SLC25A25: variants seen among roughly 807,000 people sequenced by gnomAD.
SLC25A25 encodes the protein mitochondrial adenyl nucleotide antiporter SLC25A25.
A neutral mutation model predicts 57.7 loss-of-function variants in SLC25A25; 32 were observed. That is an observed-to-expected ratio of 0.55 (90% CI 0.42 to 0.74). The LOEUF (loss-of-function observed/expected upper bound fraction) is 0.74. SLC25A25 is among the 30% of genes least tolerant of loss of function. SLC25A25 has a pLI of 0.00. For synonymous variants in SLC25A25, 306 were observed against 291.2 expected (o/e 1.05, Z -0.52); for missense variants, 556 against 701.3 (o/e 0.79, Z 2.34).
rs1322764768 is a variant in SLC25A25, at chr9:128,108,850, G to C, written c.*1406G>C. The C allele has an allele frequency of 6.6e-6, 1 of 152,208 alleles. No individual in the cohort carries two copies. Among genetic ancestry groups the C allele is most frequent in the Non-Finnish European group, 1.5e-5 (1 of 68,038 alleles). The allele number at this position is 152,208 out of a possible 1,614,324, so 9.4% of individuals were successfully genotyped here. A position where few individuals can be genotyped will look rare whatever the true frequency, so the allele number is the denominator to read the frequency against. On this transcript the variant is annotated 3_prime_UTR_variant, in exon 11 of 11. Transcript: ENST00000373069. The stretch of plus-strand genomic sequence containing the variant: ...GACTGGGGGCGTGGAGAGAGAGGGA[G>C]GAACCTCAATAACCTTGAAGGTGGA...
Position 128,102,711 on chromosome 9 carries a change from C to G in SLC25A25, c.624+230C>G, listed in dbSNP as rs1018848190. On this transcript the variant is annotated intron_variant, in intron 5 of 10. Transcript: ENST00000373069. The surrounding 1 kb of genome is among the most constrained non-coding windows in gnomAD (Gnocchi z 4.1). ...GTTCACACACACAGGCTTCCTCTTCCAGGAACACCCTCCGTCCCCACATGC... is the reference window on the plus strand; with the variant it reads ...GTTCACACACACAGGCTTCCTCTTCGAGGAACACCCTCCGTCCCCACATGC... 6.6e-6 allele frequency among the ~76,000 whole-genome samples: 1 copy of G among 152,218 alleles called. No homozygotes were observed. Among genetic ancestry groups the G allele is most frequent in the Admixed American group, 6.5e-5 (1 of 15,284 alleles).
chr9:128,068,371 G>GCCGCCA lies in SLC25A25; in HGVS notation c.58_63dup (p.Thr20_Ala21dup). 1.3e-6 allele frequency: 2 copies of GCCGCCA among 1,543,974 alleles called. No homozygotes were observed. The highest frequency in any genetic ancestry group is 1.7e-6 in the Non-Finnish European group (2 of 1,153,946). ...TGTGGCCTCCCCGCCGCCGGACGCC[G>GCCGCCA]CCGCCACCGCCGCCTCTTCGTCTGC... On this transcript the variant is annotated inframe_insertion, in exon 1 of 11. Transcript: ENST00000373069.
intron 6 of SLC25A25, 91 bp from the exon 7 acceptor site, chr9:128,105,638 G>A: frequency 6.3e-7 from 1 of 1,595,410 alleles, no homozygotes. Context: ...CTTCCCTTTG[G>A]CCGCAGCCGG....
Position 128,107,420 on chromosome 9 carries a change from C to T in SLC25A25, c.1524C>T (p.Ile508=), listed in dbSNP as rs778158911. 1.3e-6 allele frequency: 2 copies of T among 1,508,666 alleles called. No individual in the cohort carries two copies. Among genetic ancestry groups the T allele is most frequent in the South Asian group, 1.3e-5 (1 of 74,422 alleles). 93.5% of individuals were successfully genotyped at this position (1,508,666 alleles called of 1,614,324 possible). A position where few individuals can be genotyped will look rare whatever the true frequency, so the allele number is the denominator to read the frequency against. Residue 508 remains isoleucine, a synonymous_variant, in exon 11 of 11, where the codon ATC becomes ATT. Coordinates refer to ENST00000373069, the MANE Select transcript of SLC25A25 (RefSeq NM_001330988.2). The stretch of plus-strand genomic sequence containing the variant: ...ACGTGGTCTACGAGAACCTGAAGAT[C>T]ACCCTGGGCGTGCAGTCGCGGTGAC... The part of the protein sequence containing the change: ...ISYVVYENLK[I]TLGVQSR
Position 128,092,332 on chromosome 9 carries a change from G to A in SLC25A25, c.262-8764G>A, listed in dbSNP as rs182684029. Among the ~76,000 whole-genome samples the A allele has an allele frequency of 2.9e-3, 436 of 152,336 alleles. 1 individual carries two copies. Among genetic ancestry groups the A allele is most frequent in the Non-Finnish European group, 4.2e-3 (285 of 68,036 alleles). On this transcript the variant is annotated intron_variant, in intron 1 of 10. Transcript: ENST00000373069. The stretch of plus-strand genomic sequence containing the variant: ...TGTTGAGGGAAGGAAGGTTGCAATA[G>A]ACTTGCCTTAGGATTTGTTAGTTTG...
Position 128,108,240 on chromosome 9 carries a change from T to C in SLC25A25, c.*796T>C, listed in dbSNP as rs1240007965. ...GTGGCATGAGGGCAGTGGAGCACCA[T>C]GTTTGAGGGCGAAGGGCAGAGCGTT... is the stretch of plus-strand genomic sequence containing the variant. On this transcript the variant is annotated 3_prime_UTR_variant, in exon 11 of 11. Coordinates refer to ENST00000373069, the MANE Select transcript of SLC25A25 (RefSeq NM_001330988.2). 10 of 399,002 alleles carry C rather than the reference T, an allele frequency of 2.5e-5. No individual in the cohort carries two copies. Among genetic ancestry groups the C allele is most frequent in the Non-Finnish European group, 4.0e-5 (9 of 226,174 alleles). The allele number at this position is 399,002 out of a possible 1,614,324, so 24.7% of individuals were successfully genotyped here.
At chr9:128,076,444 A>G (rs917336162) in intron 1 of SLC25A25, among the ~76,000 whole-genome samples, 1 of 96,740 alleles carries the variant, frequency 1.0e-5, no homozygotes, top group Non-Finnish European at 2.1e-5. Context: ...CTTTTTTTTT[A>G]TTTTTATTTT....
chr9:128,093,483 C>G (rs1034783647), intron 1 of SLC25A25, among the ~76,000 whole-genome samples: 16 of 152,206 alleles, frequency 1.1e-4, no homozygotes, highest in Non-Finnish European at 2.1e-4. Context: ...AGCTCTCCCC[C>G]CAGGGACTGC....
Position 128,102,127 on chromosome 9 carries a change from T to C in SLC25A25, c.512+12T>C, listed in dbSNP as rs978216768. On this transcript the variant is annotated intron_variant, in intron 4 of 10. Transcript: ENST00000373069. The surrounding 1 kb of genome is among the most constrained non-coding windows in gnomAD (Gnocchi z 4.1). ...GGCCCTGTCACCTAGTAAGTATCCA[T>C]GTCGCTCATGACTGCCTCCCTTGAC... 29 of 1,550,500 alleles carry C rather than the reference T, an allele frequency of 1.9e-5. No individual in the cohort carries two copies. The African/African-American group carries it at 2.5e-4, about 13-fold the overall frequency.
At chr9:128,091,397 T>G (rs1588766658) in intron 1 of SLC25A25, 1 of 978,266 alleles carries the variant, frequency 1.0e-6, no homozygotes. Flanking sequence ...TCGGCAGAGG[T>G]GATTGGCCGG....
At chr9:128,106,320 G>A in intron 8 of SLC25A25, 33 bp from the exon 9 acceptor site, 20 of 1,613,800 alleles carry the variant, frequency 1.2e-5, no homozygotes, top group Non-Finnish European at 1.7e-5. Flanking sequence ...GGCACAGGCT[G>A]TGCTCACGCG....
In SLC25A25 at chr9:128,107,447, G is replaced by T; in HGVS notation, c.*3G>T. ...CCCTGGGCGTGCAGTCGCGGTGACG[G>T]GGGGAGGGCCGCCCGGCAGTGGACT... is the stretch of plus-strand genomic sequence containing the variant. On this transcript the variant is annotated 3_prime_UTR_variant, in exon 11 of 11. Coordinates refer to ENST00000373069, the MANE Select transcript of SLC25A25 (RefSeq NM_001330988.2). The T allele has an allele frequency of 6.6e-7, 1 of 1,505,880 alleles. No individual in the cohort carries two copies. 93.3% of individuals were successfully genotyped at this position (1,505,880 alleles called of 1,614,324 possible).
At chr9:128,089,042 C>T (rs1474142563) in intron 1 of SLC25A25, among the ~76,000 whole-genome samples, 4 of 152,216 alleles carry the variant, frequency 2.6e-5, no homozygotes, top group South Asian at 2.1e-4. Flanking sequence ...ACTACAGGTG[C>T]GCACCACCAT....
At chr9:128,068,842 G>A (rs1041786599) in intron 1 of SLC25A25, among the ~76,000 whole-genome samples, 2 of 152,210 alleles carry the variant, frequency 1.3e-5, no homozygotes. Context: ...GCCCTTTCTT[G>A]CCCAGAGTAG....
rs1346407843 is a variant in SLC25A25 at position 128,107,271 on chromosome 9, G to A, written c.1375G>A (p.Gly459Ser). The A allele has an allele frequency of 2.5e-6, 4 of 1,601,500 alleles. No individual in the cohort carries two copies. The highest frequency in any genetic ancestry group is 2.2e-5 in the East Asian group (1 of 44,596). The change falls in exon 11 of 11, where the codon GGC becomes AGC. Residue 459 changes from glycine (G) to serine (S), a missense_variant. Coordinates refer to ENST00000373069, the MANE Select transcript of SLC25A25 (RefSeq NM_001330988.2). ...CCTCCATCCTGCAGCCTCTATTGAG[G>A]GCGCTCCGGAGGTGACCATGAGCAG... Reference protein sequence around the residue: ...TRMQAQASIEGAPEVTMSSLF... With the variant: ...TRMQAQASIESAPEVTMSSLF...
rs376606350 is a variant in SLC25A25 at position 128,105,809 on chromosome 9, C to T, written c.864C>T (p.Leu288=). Reference sequence around the variant, plus strand: ...TTCGAGAAGGAGGGGCCAGGTCACTCTGGCGGGGCAATGGCATCAACGTCC... The same window carrying T: ...TTCGAGAAGGAGGGGCCAGGTCACTTTGGCGGGGCAATGGCATCAACGTCC... The part of the protein sequence containing the change: ...QMIREGGARS[L]WRGNGINVLK... The change falls in exon 7 of 11, where the codon CTC becomes CTT. Residue 288 remains leucine (L), a synonymous_variant. Coordinates refer to ENST00000373069, the MANE Select transcript of SLC25A25 (RefSeq NM_001330988.2). 1.9e-6 allele frequency: 3 copies of T among 1,614,062 alleles called. No individual in the cohort carries two copies. Among genetic ancestry groups the T allele is most frequent in the African/African-American group, 1.3e-5 (1 of 74,946 alleles).
chr9:128,079,456 CACCA>C (rs1833091857), intron 1 of SLC25A25, among the ~76,000 whole-genome samples: 1 of 146,766 alleles, frequency 6.8e-6, no homozygotes, highest in Admixed American at 6.8e-5. Context: ...TAGTTTAGAT[CACCA>C]AGAATAAGAA....
At chr9:128,098,686 C>T in intron 1 of SLC25A25, 1 of 1,614,078 alleles carries the variant, frequency 6.2e-7, no homozygotes, top group African/African-American at 1.3e-5. Context: ...GTGTCTTCAT[C>T]CCCTCCCAGG....
rs541636766 is a variant in SLC25A25, at chr9:128,091,393, G to A, written c.262-9703G>A. The A allele has an allele frequency of 6.1e-6, 6 of 976,756 alleles. No individual in the cohort carries two copies. In the Admixed American group the frequency reaches 1.8e-4, roughly 30 times the overall value. 60.5% of individuals were successfully genotyped at this position (976,756 alleles called of 1,614,324 possible). On this transcript the variant is annotated intron_variant, in intron 1 of 10. Transcript: ENST00000373069. The stretch of plus-strand genomic sequence containing the variant: ...GATAATGAACTTGGTAGTGTCGGCA[G>A]AGGTGATTGGCCGGGCTCTGCTGCA...
Sources: gnomAD v4.1 joint callset for allele counts (sites outside exome capture counted in the v4.1 genomes callset) on GRCh38, gnomAD v4.1.1 for gene constraint, Gnocchi (gnomAD v3.1) non-coding constraint, MANE v1.5 for transcripts, NCBI Gene and HGNC (gene_info 2026-07-23, HGNC 2026-07-21) for gene names.